Variants in RPS6KA2 observed in about 807,000 individuals in gnomAD.
RPS6KA2 encodes the protein ribosomal protein S6 kinase A2, also known as ribosomal protein S6 kinase alpha-2.
RPS6KA2 carries 42 observed loss-of-function variants against 91.8 expected under a neutral mutation model. The observed-to-expected ratio is 0.46, with a 90% CI of 0.36 to 0.59. RPS6KA2 has a LOEUF of 0.59. Among genes scored for constraint, RPS6KA2 ranks in the 20% least tolerant of loss-of-function variants. The pLI, the probability that RPS6KA2 is intolerant of heterozygous loss-of-function variation, is 0.00. For missense variants in RPS6KA2, 798 were observed against 978.5 expected (o/e 0.82, Z 2.46); for synonymous variants, 414 against 393.6 (o/e 1.05, Z -0.61).
intron 3 of RPS6KA2, among the ~76,000 whole-genome samples, chr6:166,524,260 T>G (rs527641831): frequency 1.3e-5 from 2 of 152,340 alleles, no homozygotes; most frequent in South Asian, 2.1e-4. Flanking sequence ...GAAAGTTGAC[T>G]TGCAGGGAAA....
At chr6:166,785,105 T>G (rs1778896259) in intron 2 of RPS6KA2, among the ~76,000 whole-genome samples, 1 of 152,252 alleles carries the variant, frequency 6.6e-6, no homozygotes, top group Non-Finnish European at 1.5e-5. Flanking sequence ...TCTGTCTGCA[T>G]CTTTTTAGAT....
chr6:166,633,756 C>T (rs1787151862), intron 2 of RPS6KA2, among the ~76,000 whole-genome samples: 1 of 152,170 alleles, frequency 6.6e-6, no homozygotes, highest in Non-Finnish European at 1.5e-5. Flanking sequence ...TGAATTTATT[C>T]ACGTATCATG....
intron 14 of RPS6KA2, 89 bp from the exon 15 acceptor site, chr6:166,432,579 C>T: frequency 1.3e-6 from 1 of 784,468 alleles, no homozygotes; most frequent in Non-Finnish European, 2.2e-6. Context: ...TGGATAAAGT[C>T]TGGCCCCAGG....
At chr6:166,824,663 CTA>C (rs1779990302) in intron 2 of RPS6KA2, among the ~76,000 whole-genome samples, 5 of 110,126 alleles carry the variant, frequency 4.5e-5, no homozygotes, top group East Asian at 2.8e-4. Context: ...GTGTGTGTGT[CTA>C]TGTGTGTGTC....
chr6:166,527,723 C>T (rs115639476), intron 3 of RPS6KA2, among the ~76,000 whole-genome samples: 1,657 of 152,242 alleles, frequency 0.011, 33 homozygotes, highest in African/African-American at 0.038. Context: ...TCTCTCACCC[C>T]CCAGCCTAGG....
intron 2 of RPS6KA2, among the ~76,000 whole-genome samples, chr6:166,816,235 C>A (rs6932510): frequency 0.033 from 4,986 of 152,030 alleles, 283 homozygotes; most frequent in African/African-American, 0.11. Context: ...GCATGCCCAG[C>A]ATATTTAATT....
intron 2 of RPS6KA2, among the ~76,000 whole-genome samples, chr6:166,751,423 C>T (rs1791279126): frequency 6.6e-6 from 1 of 152,262 alleles, no homozygotes; most frequent in South Asian, 2.1e-4. Flanking sequence ...GTGGTCTGCT[C>T]TGCAGCAGGA....
chr6:166,490,157 C>T lies in RPS6KA2; in HGVS notation c.818+514G>A, dbSNP rs186670606. Among the ~76,000 whole-genome samples the T allele has an allele frequency of 3.3e-5, 5 of 152,288 alleles. No individual in the cohort carries two copies. The highest frequency in any genetic ancestry group is 7.4e-5 in the Non-Finnish European group (5 of 68,016). On this transcript the variant is annotated intron_variant, in intron 9 of 20. Transcript: ENST00000265678. The surrounding 1 kb of genome is among the most constrained non-coding windows in gnomAD (Gnocchi z 4.2). ...GCAGAAAATGGTTTGTATCCAGTCA[C>T]ATGGTAAAACGATACCGAGTCCTGC...
chr6:166,528,109 A>G (rs574270168), intron 3 of RPS6KA2, among the ~76,000 whole-genome samples: 1 of 152,344 alleles, frequency 6.6e-6, no homozygotes, highest in Non-Finnish European at 1.5e-5. Flanking sequence ...ATCTCTGGTC[A>G]ACCTTTCGAG....
chr6:166,433,957 G>C lies in RPS6KA2; in HGVS notation c.1333-1467C>G, dbSNP rs944819102. 6.6e-6 allele frequency among the ~76,000 whole-genome samples: 1 copy of C among 151,884 alleles called. No individual in the cohort carries two copies. Among genetic ancestry groups the C allele is most frequent in the Non-Finnish European group, 1.5e-5 (1 of 67,988 alleles). ...TTCTTTGTAGAGATGATGGGGTCTT[G>C]CTGTGTTGCCCAGGCTGGTCTCTAA... On this transcript the variant is annotated intron_variant, in intron 14 of 20. Coordinates refer to ENST00000265678, the MANE Select transcript of RPS6KA2 (RefSeq NM_021135.6). The surrounding 1 kb of genome is among the most constrained non-coding windows in gnomAD (Gnocchi z 4.4).
chr6:166,488,708 GTCTGTTTTCAGTGACC>G (rs1781492471), intron 10 of RPS6KA2, 109 bp downstream of exon 10: 2 of 681,112 alleles, frequency 2.9e-6, no homozygotes, highest in Non-Finnish European at 5.1e-6. Context: ...TCTAGGTGAG[GTCTGTTTTCAGTGACC>G]TTGGTTGGCA....
At chr6:166,546,486 T>A (rs926471176) in intron 1 of RPS6KA2, among the ~76,000 whole-genome samples, 1 of 151,732 alleles carries the variant, frequency 6.6e-6, no homozygotes, top group Non-Finnish European at 1.5e-5. Flanking sequence ...GGAAAACTTT[T>A]TTTTTTTTTT....
chr6:166,610,375 T>G (rs1306800664), intron 1 of RPS6KA2, among the ~76,000 whole-genome samples: 1 of 152,182 alleles, frequency 6.6e-6, no homozygotes, highest in Non-Finnish European at 1.5e-5. Context: ...TCATGTGAAT[T>G]TCTGAATTCT....
At chr6:166,572,687 C>G (rs772804331) in intron 1 of RPS6KA2, among the ~76,000 whole-genome samples, 3 of 152,214 alleles carry the variant, frequency 2.0e-5, no homozygotes, top group Non-Finnish European at 4.4e-5. Flanking sequence ...GAACCTGGAC[C>G]AGCAAGGCCC....
intron 1 of RPS6KA2, among the ~76,000 whole-genome samples, chr6:166,621,393 C>A (rs1382924836): frequency 6.6e-6 from 1 of 152,190 alleles, no homozygotes; most frequent in Non-Finnish European, 1.5e-5. Flanking sequence ...CACGCAGCTG[C>A]AAGTCAGATG....
At chr6:166,661,960 A>G (rs889654847) in intron 2 of RPS6KA2, among the ~76,000 whole-genome samples, 21 of 152,350 alleles carry the variant, frequency 1.4e-4, no homozygotes, top group African/African-American at 5.1e-4. Context: ...AACACAGTAC[A>G]TATTGAAGAA....
intron 2 of RPS6KA2, among the ~76,000 whole-genome samples, chr6:166,848,132 A>G (rs554787070): frequency 6.6e-6 from 1 of 152,362 alleles, no homozygotes; most frequent in South Asian, 2.1e-4. Context: ...GAAGATATAC[A>G]AATGGCCAAC....
intron 2 of RPS6KA2, among the ~76,000 whole-genome samples, chr6:166,855,474 G>A (rs12660829): frequency 4.4e-4 from 56 of 127,978 alleles, no homozygotes; most frequent in East Asian, 2.3e-3. Flanking sequence ...AAGAGGAAGA[G>A]GAAGAAGAAG....
intron 16 of RPS6KA2, among the ~76,000 whole-genome samples, chr6:166,427,851 A>G (rs996711676): frequency 1.3e-5 from 2 of 152,256 alleles, no homozygotes; most frequent in South Asian, 2.1e-4. Flanking sequence ...GGAAGAATCA[A>G]TATCGTGAAA....
Sources: allele counts gnomAD v4.1 joint callset (sites outside exome capture counted in the v4.1 genomes callset), GRCh38; gene constraint gnomAD v4.1.1; non-coding constraint Gnocchi (gnomAD v3.1); transcripts MANE v1.5; gene names NCBI Gene and HGNC (gene_info 2026-07-23, HGNC 2026-07-21).